Variants in MVP observed in about 807,000 individuals in gnomAD.
MVP encodes the protein lung resistance-related protein.
MVP carries 62 observed loss-of-function variants against 83.5 expected under a neutral mutation model. The ratio of observed to expected loss-of-function variants is 0.74; its 90% CI spans 0.61 to 0.92. MVP has a LOEUF of 0.92. Among genes scored for constraint, MVP ranks in the 40% least tolerant of loss-of-function variants. The probability of loss-of-function intolerance (pLI) is 0.00; values close to 1 mark genes in which losing one functional copy is unlikely to be tolerated. For missense variants in MVP, 1,000 were observed against 1,203.4 expected (o/e 0.83, Z 2.50); for synonymous variants, 505 against 504.1 (o/e 1.00, Z -0.02).
intron 1 of MVP, among the ~76,000 whole-genome samples, chr16:29,824,771 T>C (rs894879836): frequency 2.0e-5 from 3 of 152,090 alleles, no homozygotes; most frequent in Admixed American, 2.0e-4. Context: ...AAAAAGAGAT[T>C]CAGTATATCA....
intron 7 of MVP, among the ~76,000 whole-genome samples, chr16:29,839,654 C>T (rs756304978): frequency 6.6e-6 from 1 of 151,448 alleles, no homozygotes; most frequent in African/African-American, 2.4e-5. Flanking sequence ...TGTGGTGATG[C>T]GCATCTGTAG....
At chr16:29,830,126 C>T (rs2067430459) in intron 1 of MVP, 1 of 174,332 alleles carries the variant, frequency 5.7e-6, no homozygotes, top group South Asian at 1.3e-4. Context: ...CATGTCACCA[C>T]CTCCATGGCT....
intron 1 of MVP, chr16:29,830,006 A>C (rs1421885176): frequency 6.5e-6 from 1 of 154,504 alleles, no homozygotes; most frequent in Non-Finnish European, 1.4e-5. Context: ...CTATGGGCTG[A>C]CATTTGAATA....
At chr16:29,825,380 C>A (rs1171941776) in intron 1 of MVP, among the ~76,000 whole-genome samples, 1 of 152,208 alleles carries the variant, frequency 6.6e-6, no homozygotes, top group African/African-American at 2.4e-5. Context: ...GGGCCCTGAT[C>A]TATTTTAAGT....
intron 10 of MVP, among the ~76,000 whole-genome samples, chr16:29,842,668 G>A (rs1249906547): frequency 1.3e-5 from 2 of 152,154 alleles, no homozygotes; most frequent in Non-Finnish European, 2.9e-5. Context: ...TTCCTGCTGG[G>A]TGCAGCCTAG....
At chr16:29,832,455 A>G (rs952822038) in intron 3 of MVP, among the ~76,000 whole-genome samples, 5 of 149,050 alleles carry the variant, frequency 3.4e-5, no homozygotes, top group African/African-American at 1.2e-4. Flanking sequence ...CCACCACCAC[A>G]CCCGGCTAAC....
intron 10 of MVP, among the ~76,000 whole-genome samples, chr16:29,843,594 G>T (rs1166933397): frequency 8.2e-6 from 1 of 122,272 alleles, no homozygotes; most frequent in African/African-American, 3.1e-5. Flanking sequence ...GGGAGGAAGG[G>T]AGGGAGGGAG....
At position 29,841,495 on chromosome 16, in the gene MVP, G is replaced by A. The variant is rs957084365; in HGVS notation, c.1192-101G>A. 21 of 1,439,600 alleles carry A rather than the reference G, an allele frequency of 1.5e-5. No homozygotes were observed. The highest frequency in any genetic ancestry group is 7.8e-5 in the Admixed American group (3 of 38,468). The allele number at this position is 1,439,600 out of a possible 1,614,324, so 89.2% of individuals were successfully genotyped here. ...CCCCGTAGAGAAGGTGTTTAACCTC[G>A]TGGCGCGCCTTCCCTGGATGGGCTC... On this transcript the variant is annotated intron_variant, in intron 8 of 14. Coordinates refer to ENST00000357402, the MANE Select transcript of MVP (RefSeq NM_005115.5). The surrounding 1 kb of genome is among the most constrained non-coding windows in gnomAD (Gnocchi z 4.7).
At chr16:29,837,046 C>A in intron 7 of MVP, 88 bp downstream of exon 7, 1 of 1,244,300 alleles carries the variant, frequency 8.0e-7, no homozygotes. Context: ...CTCCTCCAGA[C>A]GCACGTTCTA....
At chr16:29,835,671 G>C in intron 5 of MVP, 33 bp from the exon 6 acceptor site, 2 of 1,586,066 alleles carry the variant, frequency 1.3e-6, no homozygotes, top group Non-Finnish European at 1.7e-6. Flanking sequence ...AGGCTGGGGG[G>C]CCCTTGTCCC....
chr16:29,836,532 G>T (rs988667335), intron 6 of MVP, among the ~76,000 whole-genome samples, 190 bp from the exon 7 acceptor site: 1 of 150,560 alleles, frequency 6.6e-6, no homozygotes, highest in Non-Finnish European at 1.5e-5. Flanking sequence ...AGCTGAGATC[G>T]CACCTTTGCA....
intron 1 of MVP, among the ~76,000 whole-genome samples, chr16:29,821,872 A>T (rs551429703): frequency 1.3e-5 from 2 of 152,208 alleles, no homozygotes; most frequent in Non-Finnish European, 2.9e-5. Context: ...CTCTCCCGGA[A>T]ACTTAGACCC....
rs560921177 is a variant in MVP, at chr16:29,843,971, C to T, written c.1635-522C>T. The stretch of plus-strand genomic sequence containing the variant: ...AGAGCAGCCAGTGCCCTGATGGCGG[C>T]AGACAGCTGCCGACATATTCCCAGG... On this transcript the variant is annotated intron_variant, in intron 10 of 14. Coordinates refer to ENST00000357402, the MANE Select transcript of MVP (RefSeq NM_005115.5). Among the ~76,000 whole-genome samples, 3 of 152,342 alleles carry T rather than the reference C, an allele frequency of 2.0e-5. 1 individual carries two copies. The South Asian group carries it at 6.2e-4, about 32-fold the overall frequency.
rs921971987 is a variant in MVP, at chr16:29,831,022, C to G, written c.270C>G (p.Ile90Met). Residue 90 changes from isoleucine (I) to methionine (M), a missense_variant, in exon 3 of 15, where the codon ATC becomes ATG. By Grantham distance (10) the Ile-to-Met change is conservative. Transcript: ENST00000357402. ...QVRLRHADLE[I>M]RLAQDPFPLY... Reference sequence around the variant, plus strand: ...GGCTTCGCCACGCTGACCTCGAGATCCGGCTGGCCCAGGACCCCTTCCCCC... The same window carrying G: ...GGCTTCGCCACGCTGACCTCGAGATGCGGCTGGCCCAGGACCCCTTCCCCC... 9 of 1,613,714 alleles carry G rather than the reference C, an allele frequency of 5.6e-6. No individual in the cohort carries two copies. The African/African-American group carries it at 1.2e-4, about 22-fold the overall frequency.
intron 12 of MVP, 84 bp downstream of exon 12, chr16:29,846,063 G>T: frequency 6.2e-7 from 1 of 1,608,910 alleles, no homozygotes. Context: ...CCTGGGTGGG[G>T]TGTCGATGAG....
At chr16:29,822,512 T>G (rs1567386039) in intron 1 of MVP, 2 of 152,100 alleles carry the variant, frequency 1.3e-5, no homozygotes, top group Non-Finnish European at 2.9e-5. Flanking sequence ...TCCTTGTTTA[T>G]ACCAAACTTC....
intron 7 of MVP, 102 bp from the exon 8 acceptor site, chr16:29,840,076 T>C: frequency 6.2e-6 from 8 of 1,287,770 alleles, no homozygotes; most frequent in Non-Finnish European, 8.6e-6. Flanking sequence ...CTGGTGCTCT[T>C]GTCCTCCACA....
intron 1 of MVP, among the ~76,000 whole-genome samples, chr16:29,823,628 C>T (rs1444195184): frequency 1.3e-5 from 2 of 151,744 alleles, no homozygotes; most frequent in African/African-American, 4.8e-5. Flanking sequence ...CCAAGGCAGG[C>T]GGATCACGAG....
chr16:29,847,505 C>A, intron 14 of MVP, 120 bp downstream of exon 14: 1 of 1,030,694 alleles, frequency 9.7e-7, no homozygotes, highest in Non-Finnish European at 1.4e-6. Flanking sequence ...AGTGACCTGA[C>A]CCACGATGCA....
Sources: allele counts gnomAD v4.1 joint callset (sites outside exome capture counted in the v4.1 genomes callset), GRCh38; gene constraint gnomAD v4.1.1; non-coding constraint Gnocchi (gnomAD v3.1); transcripts MANE v1.5; gene names NCBI Gene and HGNC (gene_info 2026-07-23, HGNC 2026-07-21).